The following MTUS2 variants were observed in gnomAD, a reference collection of about 807,000 sequenced individuals.
MTUS2 encodes the protein microtubule-associated tumor suppressor candidate 2.
In MTUS2, 40 loss-of-function variants were observed where a neutral mutation model predicts 114.1. The ratio of observed to expected loss-of-function variants is 0.35; its 90% confidence interval spans 0.27 to 0.46. The LOEUF is 0.46. MTUS2 is among the 20% of genes least tolerant of loss of function. The pLI, the probability that MTUS2 is intolerant of heterozygous loss-of-function variation, is 1.00. For missense variants in MTUS2, 1,679 were observed against 1,705.4 expected, an observed-to-expected ratio of 0.98 and a Z score of 0.27; for synonymous variants, 688 against 672.0, an observed-to-expected ratio of 1.02 and a Z score of -0.37.
chr13:29,288,375 G>A (rs1359392356), intron 6 of MTUS2, among the ~76,000 whole-genome samples: 1 of 152,166 alleles, frequency 6.6e-6, no homozygotes, highest in Non-Finnish European at 1.5e-5. Context: ...AGAGCACAGA[G>A]CGGGGCAGCA....
At chr13:29,430,124 T>C (rs972174915) in intron 8 of MTUS2, among the ~76,000 whole-genome samples, 3 of 151,970 alleles carry the variant, frequency 2.0e-5, no homozygotes, top group African/African-American at 7.2e-5. Flanking sequence ...TTAAGCCTTT[T>C]GCGAAGTGGT....
chr13:29,336,941 G>A (rs1379539916), intron 7 of MTUS2, among the ~76,000 whole-genome samples: 1 of 152,212 alleles, frequency 6.6e-6, no homozygotes, highest in African/African-American at 2.4e-5. Context: ...TGTTTACACT[G>A]TGAGGGGAAA....
At chr13:29,134,576 T>C (rs1450494512) in intron 5 of MTUS2, among the ~76,000 whole-genome samples, 3 of 152,192 alleles carry the variant, frequency 2.0e-5, no homozygotes, top group Admixed American at 1.3e-4. Context: ...AATTGTTATA[T>C]ATATCTTCCT....
intron 8 of MTUS2, among the ~76,000 whole-genome samples, chr13:29,400,545 CAAA>C (rs1392601104): frequency 6.6e-6 from 1 of 152,280 alleles, no homozygotes; most frequent in African/African-American, 2.4e-5. Flanking sequence ...AATATCTAAT[CAAA>C]GAAGAAGACA....
At position 28,905,114 on chromosome 13, in the gene MTUS2, G is replaced by T. The variant is rs530409071; in HGVS notation, c.-243+65264G>T. On this transcript the variant is annotated intron_variant, in intron 2 of 15. Coordinates refer to ENST00000612955, the MANE Select transcript of MTUS2 (RefSeq NM_001033602.4). The stretch of plus-strand genomic sequence containing the variant: ...TTTGTACATTGATTTTGTATCCTGA[G>T]ACTTTGCTGAAGTTGCCTATCAGCT... Among the ~76,000 whole-genome samples, 3 of 151,710 alleles carry T rather than the reference G, an allele frequency of 2.0e-5. No homozygotes were observed. In the East Asian group the frequency reaches 5.8e-4, roughly 29 times the overall value.
intron 4 of MTUS2, among the ~76,000 whole-genome samples, chr13:29,089,434 A>G (rs1009247458): frequency 9.9e-5 from 15 of 152,142 alleles, no homozygotes; most frequent in Non-Finnish European, 2.1e-4. Context: ...ATGTGCTTTG[A>G]GAAAGGTCAT....
At chr13:29,224,746 G>T (rs1053363681) in intron 5 of MTUS2, among the ~76,000 whole-genome samples, 2 of 151,836 alleles carry the variant, frequency 1.3e-5, no homozygotes, top group African/African-American at 4.8e-5. Flanking sequence ...TGTAGCTTTT[G>T]TTCACAGGCT....
intron 7 of MTUS2, among the ~76,000 whole-genome samples, chr13:29,337,166 G>C (rs1372253083): frequency 6.8e-6 from 1 of 147,186 alleles, no homozygotes; most frequent in Non-Finnish European, 1.5e-5. Flanking sequence ...CTCTCTCACT[G>C]GTGATCCAGA....
intron 2 of MTUS2, among the ~76,000 whole-genome samples, chr13:28,890,622 A>G (rs978528747): frequency 6.6e-6 from 1 of 152,254 alleles, no homozygotes; most frequent in African/African-American, 2.4e-5. Flanking sequence ...ATATTTTTAT[A>G]TATAGAAATA....
intron 8 of MTUS2, among the ~76,000 whole-genome samples, chr13:29,403,209 G>A (rs1874484250): frequency 6.6e-6 from 1 of 152,132 alleles, no homozygotes; most frequent in South Asian, 2.1e-4. Flanking sequence ...CTTGTGCCTT[G>A]ATAAGAACTG....
intron 4 of MTUS2, among the ~76,000 whole-genome samples, chr13:29,086,215 C>G (rs1203723085): frequency 6.6e-6 from 1 of 152,174 alleles, no homozygotes; most frequent in Non-Finnish European, 1.5e-5. Flanking sequence ...CTAACATTTT[C>G]TCCCATTCTG....
At chr13:29,321,174 G>A (rs1452599330) in intron 6 of MTUS2, among the ~76,000 whole-genome samples, 1 of 152,006 alleles carries the variant, frequency 6.6e-6, no homozygotes, top group East Asian at 1.9e-4. Flanking sequence ...GGTGATGTGA[G>A]CCTGTTGAAT....
chr13:29,206,695 G>A (rs959931690), intron 5 of MTUS2, among the ~76,000 whole-genome samples: 14 of 151,818 alleles, frequency 9.2e-5, no homozygotes, highest in South Asian at 2.1e-4. Context: ...TTTTGTTTCC[G>A]TTGTTGAAGA....
chr13:28,882,384 A>G (rs909644603), intron 2 of MTUS2, among the ~76,000 whole-genome samples: 2 of 152,152 alleles, frequency 1.3e-5, no homozygotes, highest in Non-Finnish European at 2.9e-5. Flanking sequence ...ACCTAAATGT[A>G]AGACAATGTC....
At chr13:29,347,433 A>AT (rs56980515) in intron 7 of MTUS2, among the ~76,000 whole-genome samples, 122,359 of 151,834 alleles carry the variant, frequency 0.81, 50,323 homozygotes, top group East Asian at 0.9. Context: ...TTGGAAGTGT[A>AT]TGTTTAGTTT....
chr13:29,358,737 A>G (rs1361845754), intron 7 of MTUS2, among the ~76,000 whole-genome samples: 4 of 152,174 alleles, frequency 2.6e-5, no homozygotes, highest in Non-Finnish European at 5.9e-5. Context: ...AGGAATTTAA[A>G]GTCAGGAGTT....
intron 2 of MTUS2, among the ~76,000 whole-genome samples, chr13:28,961,672 A>G (rs1297124986): frequency 6.6e-6 from 1 of 152,152 alleles, no homozygotes; most frequent in African/African-American, 2.4e-5. Flanking sequence ...CAAGTTTTTC[A>G]TGTGTTTTAT....
intron 6 of MTUS2, among the ~76,000 whole-genome samples, chr13:29,296,282 G>A (rs1361535825): frequency 6.6e-6 from 1 of 152,016 alleles, no homozygotes; most frequent in Non-Finnish European, 1.5e-5. Context: ...GTGCGATTAT[G>A]GCTCACTGCA....
At chr13:28,831,441 AAGAAT>A (rs1180078021) in intron 1 of MTUS2, among the ~76,000 whole-genome samples, 2 of 152,222 alleles carry the variant, frequency 1.3e-5, no homozygotes, top group Non-Finnish European at 2.9e-5. Context: ...GTGAAAGTAA[AAGAAT>A]AGAATAAGAT....
Sources: allele counts gnomAD v4.1 joint callset (sites outside exome capture counted in the v4.1 genomes callset), GRCh38; gene constraint gnomAD v4.1.1; transcripts MANE v1.5; gene names NCBI Gene and HGNC (gene_info 2026-07-23, HGNC 2026-07-21).